The following FLNB variants were observed in gnomAD, a reference collection of about 807,000 sequenced individuals.
The protein encoded by FLNB is filamin B, also known as filamin-B.
Under a neutral mutation model 250.6 loss-of-function variants are expected in FLNB, and 111 were observed. The observed-to-expected ratio is 0.44, with a 90% confidence interval of 0.38 to 0.52. The LOEUF is 0.52. FLNB is among the 20% of genes least tolerant of loss of function. FLNB has a pLI of 0.00. For missense variants in FLNB, 2,869 were observed against 3,447.8 expected, an observed-to-expected ratio of 0.83 and a Z score of 4.20; for synonymous variants, 1,302 against 1,372.1, an observed-to-expected ratio of 0.95 and a Z score of 1.13.
intron 4 of FLNB, among the ~76,000 whole-genome samples, chr3:58,091,404 T>C (rs1427530813): frequency 6.6e-6 from 1 of 152,114 alleles, no homozygotes; most frequent in Non-Finnish European, 1.5e-5. Context: ...CAACTGATTA[T>C]TGACAAAGGT....
At chr3:58,170,449 G>C (rs4681660) in intron 45 of FLNB, 126 bp from the exon 46 acceptor site, 1 of 832,096 alleles carries the variant, frequency 1.2e-6, no homozygotes, top group South Asian at 1.5e-5. Flanking sequence ...TAATTGCCAC[G>C]CTCTCCCACC....
intron 1 of FLNB, among the ~76,000 whole-genome samples, chr3:58,024,701 C>CTTTTTTTTTTTTTTTTTTTTTTT: frequency 1.2e-5 from 1 of 83,766 alleles, no homozygotes; most frequent in South Asian, 5.8e-4. Flanking sequence ...GCCAAGCCTC[C>CTTTTTTTTTTTTTTTTTTTTTTT]TTTTTTTTTT....
In FLNB at chr3:58,155,981, A is replaced by G. The variant is rs757365085; in HGVS notation, c.6794A>G (p.Lys2265Arg). The change falls in exon 41 of 46, where the codon AAG becomes AGG. Residue 2265 changes from lysine to arginine, a missense_variant. Lys to Arg is a conservative substitution (Grantham distance 26). Transcript: ENST00000295956. ...ATAGGTAACTACGAGGTGTCCATCA[A>G]GTTCAATGATGAGCACATCCCGGAA... ...QEPGNYEVSI[K>R]FNDEHIPESP... 46 of 1,613,296 alleles carry G rather than the reference A, an allele frequency of 2.9e-5. No individual in the cohort carries two copies. The highest frequency in any genetic ancestry group is 3.7e-5 in the Non-Finnish European group (44 of 1,179,346).
chr3:58,104,190 G>A, intron 10 of FLNB, 105 bp downstream of exon 10: 4 of 1,012,558 alleles, frequency 4.0e-6, no homozygotes, highest in Middle Eastern at 3.3e-4. Flanking sequence ...GATCTGCTTT[G>A]TTGAAAACTT....
intron 25 of FLNB, chr3:58,132,205 C>T: frequency 1.7e-6 from 1 of 595,550 alleles, no homozygotes; most frequent in South Asian, 2.0e-5. Context: ...ACTCTGCAAC[C>T]CAACGCGTGC....
In FLNB at chr3:58,136,870, C is replaced by T. The variant is rs914956956; in HGVS notation, c.4861+702C>T. ...GAGTAGCTGGGACCACAGGTGCCCA[C>T]GACCATGCCCGGCTAAGTTTTGTAT... On this transcript the variant is annotated intron_variant, in intron 28 of 45. Transcript: ENST00000295956. Among the ~76,000 whole-genome samples the T allele has an allele frequency of 4.7e-5, 7 of 149,424 alleles. No individual in the cohort carries two copies. The South Asian group carries it at 6.4e-4, about 14-fold the overall frequency.
intron 1 of FLNB, among the ~76,000 whole-genome samples, chr3:58,063,505 C>T (rs2097181357): frequency 6.6e-6 from 1 of 152,180 alleles, no homozygotes; most frequent in South Asian, 2.1e-4. Context: ...AGGAGCCATC[C>T]AGAAAGTGTC....
chr3:58,162,270 GA>G (rs2107316868), intron 42 of FLNB, among the ~76,000 whole-genome samples: 1 of 152,288 alleles, frequency 6.6e-6, no homozygotes, highest in East Asian at 1.9e-4. Context: ...AGACTACCTG[GA>G]GAGGTAGGAG....
intron 41 of FLNB, among the ~76,000 whole-genome samples, chr3:58,157,165 C>T (rs765551754): frequency 1.9e-4 from 29 of 152,324 alleles, no homozygotes; most frequent in South Asian, 4.1e-4. Flanking sequence ...TAAGAACCAT[C>T]GGGGATGCCT....
intron 24 of FLNB, among the ~76,000 whole-genome samples, chr3:58,128,795 C>T (rs1291183120): frequency 6.6e-6 from 1 of 152,250 alleles, no homozygotes; most frequent in East Asian, 1.9e-4. Context: ...TGTGGCCGAC[C>T]TGTGAGCTTA....
In FLNB at chr3:58,161,373, G is replaced by A. The variant is rs2097361471; in HGVS notation, c.7021+1687G>A. 5.9e-5 allele frequency among the ~76,000 whole-genome samples: 9 copies of A among 152,260 alleles called. No individual in the cohort carries two copies. In the South Asian group the frequency reaches 1.9e-3, roughly 32 times the overall value. On this transcript the variant is annotated intron_variant, in intron 42 of 45. Coordinates refer to ENST00000295956, the MANE Select transcript of FLNB (RefSeq NM_001457.4). ...AAAGGGTTTAATATTTTACTTTGAG[G>A]GGTTTTGAAGGATCCCCAATACCCA...
chr3:58,084,079 C>G (rs923812123), intron 4 of FLNB, among the ~76,000 whole-genome samples: 3 of 151,666 alleles, frequency 2.0e-5, no homozygotes, highest in African/African-American at 7.3e-5. Flanking sequence ...GTAGTCCCAG[C>G]TACTCGGGAG....
In FLNB at chr3:58,156,163, G is replaced by A. The variant is rs537572450; in HGVS notation, c.6888+88G>A. On this transcript the variant is annotated intron_variant, in intron 41 of 45. Coordinates refer to ENST00000295956, the MANE Select transcript of FLNB (RefSeq NM_001457.4). Reference sequence around the variant, plus strand: ...TGAGGCTGCTTCAATGTCCCCTTAGGTGCTGAGGCCCCTTTTCACATTTTG... The same window carrying A: ...TGAGGCTGCTTCAATGTCCCCTTAGATGCTGAGGCCCCTTTTCACATTTTG... 5.2e-4 allele frequency: 497 copies of A among 964,968 alleles called. 3 individuals are homozygous for A. In the African/African-American group the frequency reaches 6.8e-3, roughly 13 times the overall value. 59.8% of individuals were successfully genotyped at this position (964,968 alleles called of 1,614,324 possible). A position where few individuals can be genotyped will look rare whatever the true frequency, so the allele number is the denominator to read the frequency against.
At chr3:58,034,453 G>A (rs993867462) in intron 1 of FLNB, among the ~76,000 whole-genome samples, 2 of 151,466 alleles carry the variant, frequency 1.3e-5, no homozygotes, top group Non-Finnish European at 2.9e-5. Flanking sequence ...GGAGTGCAGT[G>A]GTAAGCGAAT....
Position 58,142,834 on chromosome 3 carries a change from T to C in FLNB, c.5284+82T>C. The C allele has an allele frequency of 1.6e-6, 2 of 1,215,586 alleles. No individual in the cohort carries two copies. Among genetic ancestry groups the C allele is most frequent in the Non-Finnish European group, 1.2e-6 (1 of 825,696 alleles). 75.3% of individuals were successfully genotyped at this position (1,215,586 alleles called of 1,614,324 possible). On this transcript the variant is annotated intron_variant, in intron 31 of 45. Coordinates refer to ENST00000295956, the MANE Select transcript of FLNB (RefSeq NM_001457.4). The surrounding 1 kb of genome is among the most constrained non-coding windows in gnomAD (Gnocchi z 4.3). Reference sequence around the variant, plus strand: ...AATGGTGCTGGGGAGGTGTGTCCACTGTCCCCCAGACCCAGGCTCCTTAAC... The same window carrying C: ...AATGGTGCTGGGGAGGTGTGTCCACCGTCCCCCAGACCCAGGCTCCTTAAC...
At position 58,169,910 on chromosome 3, in the gene FLNB, G is replaced by GT. The variant is rs1369649784; in HGVS notation, c.7621+120dup. 4.2e-5 allele frequency: 29 copies of GT among 693,574 alleles called. 1 individual carries two copies. The highest frequency in any genetic ancestry group is 4.0e-5 in the Non-Finnish European group (16 of 400,624). The allele number at this position is 693,574 out of a possible 1,614,324, so 43.0% of individuals were successfully genotyped here. The stretch of plus-strand genomic sequence containing the variant: ...GTGCCCACCCCCATGTAGGCCAGCC[G>GT]TTTGCAAGTAACCATCGTCATGACC... On this transcript the variant is annotated intron_variant, in intron 45 of 45. Transcript: ENST00000295956. The surrounding 1 kb of genome is among the most constrained non-coding windows in gnomAD (Gnocchi z 4.8).
At chr3:58,096,783 A>G (rs1196282889) in intron 6 of FLNB, among the ~76,000 whole-genome samples, 1 of 152,208 alleles carries the variant, frequency 6.6e-6, no homozygotes, top group Non-Finnish European at 1.5e-5. Context: ...TGCTGGGATT[A>G]TAGACATGAG....
At chr3:58,053,238 A>G (rs1290241100) in intron 1 of FLNB, among the ~76,000 whole-genome samples, 5 of 152,154 alleles carry the variant, frequency 3.3e-5, no homozygotes, top group African/African-American at 1.2e-4. Context: ...TTTCAGAAAG[A>G]CATTATTATT....
At position 58,146,060 on chromosome 3, in the gene FLNB, G is replaced by T; in HGVS notation, c.5554+11G>T. 6.2e-7 allele frequency: 1 copy of T among 1,614,152 alleles called. No individual in the cohort carries two copies. Among genetic ancestry groups the T allele is most frequent in the Non-Finnish European group, 8.5e-7 (1 of 1,180,020 alleles). On this transcript the variant is annotated intron_variant, in intron 33 of 45. Coordinates refer to ENST00000295956, the MANE Select transcript of FLNB (RefSeq NM_001457.4). ...AGGATGCAGGAGAAGGTACTGTGTG[G>T]TTTACGTGTTTATACGCCTCCAGCT...
Sources: gnomAD v4.1 joint callset for allele counts (sites outside exome capture counted in the v4.1 genomes callset) on GRCh38, gnomAD v4.1.1 for gene constraint, Gnocchi (gnomAD v3.1) non-coding constraint, MANE v1.5 for transcripts, NCBI Gene and HGNC (gene_info 2026-07-23, HGNC 2026-07-21) for gene names.